The following ACCSL variants were observed in gnomAD, a reference collection of about 807,000 sequenced individuals.
ACCSL encodes the protein 1-aminocyclopropane-1-carboxylate synthase homolog (inactive) like, also known as probable inactive 1-aminocyclopropane-1-carboxylate synthase-like protein 2.
A neutral mutation model predicts 61.7 loss-of-function variants in ACCSL; 55 were observed. The ratio of observed to expected loss-of-function variants is 0.89; its 90% CI spans 0.72 to 1.12. The LOEUF is 1.12. Ranked by LOEUF, ACCSL falls within the 50% of genes most tolerant of loss-of-function variation. ACCSL has a pLI of 0.00. For synonymous variants in ACCSL, 258 were observed against 264.3 expected (o/e 0.98, Z 0.23); for missense variants, 632 against 698.0 (o/e 0.91, Z 1.07).
the ACCSL span, among the ~76,000 whole-genome samples, chr11:43,992,720 G>A: frequency 6.6e-6 from 1 of 152,228 alleles, no homozygotes; most frequent in Non-Finnish European, 1.5e-5. Context: ...AGCTGCAGCA[G>A]ATATATGACC....
the ACCSL span, among the ~76,000 whole-genome samples, chr11:44,002,221 G>A: frequency 6.6e-6 from 1 of 152,074 alleles, no homozygotes; most frequent in South Asian, 2.1e-4. Context: ...TGGGGGACAG[G>A]AGAAGGGGTG....
the ACCSL span, chr11:43,943,085 G>C: frequency 6.7e-7 from 1 of 1,500,830 alleles, no homozygotes; most frequent in Non-Finnish European, 8.9e-7. This position sits in a 1 kb window ranked among gnomAD's most constrained non-coding sequence, Gnocchi z 4.8. Flanking sequence ...GGTGACCTTC[G>C]ACGAGATCCA....
At chr11:43,946,390 G>T in the ACCSL span, among the ~76,000 whole-genome samples, 2 of 152,172 alleles carry the variant, frequency 1.3e-5, no homozygotes, top group African/African-American at 4.8e-5. Context: ...GAGCCACCAT[G>T]CCTGGCCCTG....
chr11:44,003,038 G>A, the ACCSL span, among the ~76,000 whole-genome samples: 1 of 152,152 alleles, frequency 6.6e-6, no homozygotes, highest in East Asian at 1.9e-4. Flanking sequence ...GAGGGGACAT[G>A]AGTAAAGACC....
chr11:43,984,518 T>G, the ACCSL span, among the ~76,000 whole-genome samples: 1 of 152,210 alleles, frequency 6.6e-6, no homozygotes, highest in Non-Finnish European at 1.5e-5. Flanking sequence ...GCCCTGCAAC[T>G]CCACATATGC....
the ACCSL span, among the ~76,000 whole-genome samples, chr11:43,983,134 C>T: frequency 1.3e-5 from 2 of 152,156 alleles, no homozygotes; most frequent in East Asian, 1.9e-4. Flanking sequence ...CACAGCCTTG[C>T]GTGCCCTATT....
Position 44,058,697 on chromosome 11 carries a change from T to C in ACCSL, c.1622T>C (p.Leu541Ser), listed in dbSNP as rs377046277. 1.6e-5 allele frequency: 25 copies of C among 1,609,412 alleles called. No homozygotes were observed. The African/African-American group carries it at 3.2e-4, about 21-fold the overall frequency. Residue 541 changes from leucine to serine, a missense_variant and splice_region_variant, in exon 13 of 14, where the codon TTG (leucine) becomes TCG (serine). Leu to Ser is a moderately radical substitution (Grantham distance 145). Transcript: ENST00000378832. The stretch of plus-strand genomic sequence containing the variant: ...GCAGATGAGCTCCCCCGGCTAAAAT[T>C]GGGTGAGTGGAGCTGACCTCCCAAT... Reference protein sequence around the residue: ...IFADELPRLKLAMRRFCDVLQ... With the variant: ...IFADELPRLKSAMRRFCDVLQ...
At chr11:43,922,831 C>G in the ACCSL span, among the ~76,000 whole-genome samples, 1 of 152,144 alleles carries the variant, frequency 6.6e-6, no homozygotes, top group Non-Finnish European at 1.5e-5. Context: ...CACCATTACT[C>G]CAGTCAGCAG....
At chr11:44,006,302 TG>T in the ACCSL span, among the ~76,000 whole-genome samples, 14,530 of 152,050 alleles carry the variant, frequency 0.096, 836 homozygotes, top group East Asian at 0.33. Flanking sequence ...GGCTTCCTTG[TG>T]GGATGGAGGA....
the ACCSL span, among the ~76,000 whole-genome samples, chr11:43,999,670 A>G: frequency 6.6e-6 from 1 of 152,152 alleles, no homozygotes; most frequent in Non-Finnish European, 1.5e-5. Flanking sequence ...GCCAGCTACT[A>G]TGTCTGGCCC....
At chr11:43,926,380 G>A in the ACCSL span, 5 of 348,566 alleles carry the variant, frequency 1.4e-5, no homozygotes, top group East Asian at 8.4e-5. Context: ...AAGGGTCGCC[G>A]ACCAGGCTCA....
At chr11:43,990,051 C>T in the ACCSL span, among the ~76,000 whole-genome samples, 1 of 152,230 alleles carries the variant, frequency 6.6e-6, no homozygotes, top group East Asian at 1.9e-4. Flanking sequence ...TCCTCCCTTC[C>T]CAGAGCCCTG....
At chr11:43,946,033 A>G in the ACCSL span, among the ~76,000 whole-genome samples, 1 of 152,168 alleles carries the variant, frequency 6.6e-6, no homozygotes, top group African/African-American at 2.4e-5. Context: ...AAATGAATAA[A>G]GAGGTGCTGA....
At chr11:44,048,564 GGC>G in intron 1 of ACCSL, 24 bp downstream of exon 1, 4 of 188,718 alleles carry the variant, frequency 2.1e-5, no homozygotes, top group Admixed American at 6.1e-5. Flanking sequence ...GTGGGGGGTG[GGC>G]AGCATCCTCA....
At chr11:43,969,082 C>T in the ACCSL span, among the ~76,000 whole-genome samples, 11 of 152,130 alleles carry the variant, frequency 7.2e-5, no homozygotes, top group Non-Finnish European at 1.6e-4. Context: ...GGCAGAGTGG[C>T]TCACACCTGT....
the ACCSL span, among the ~76,000 whole-genome samples, chr11:43,937,931 C>T: frequency 6.6e-6 from 1 of 152,160 alleles, no homozygotes; most frequent in Non-Finnish European, 1.5e-5. Context: ...CTATCTTTAA[C>T]GTGAGAGTTC....
the ACCSL span, among the ~76,000 whole-genome samples, chr11:44,025,702 T>C: frequency 1.3e-5 from 2 of 152,306 alleles, no homozygotes; most frequent in South Asian, 4.1e-4. Flanking sequence ...CCTAAATGAC[T>C]CCTTTAGTAT....
At chr11:44,021,193 A>G in the ACCSL span, among the ~76,000 whole-genome samples, 1 of 152,186 alleles carries the variant, frequency 6.6e-6, no homozygotes, top group Non-Finnish European at 1.5e-5. Context: ...AGGAATCTCC[A>G]TACTGTTTCC....
chr11:43,979,846 C>CAAAAAA, the ACCSL span, among the ~76,000 whole-genome samples: 10 of 50,582 alleles, frequency 2.0e-4, no homozygotes, highest in South Asian at 6.8e-4. Context: ...GACTCTGTCT[C>CAAAAAA]AAAAAAAAAA....
Sources: allele counts gnomAD v4.1 joint callset (sites outside exome capture counted in the v4.1 genomes callset), GRCh38; gene constraint gnomAD v4.1.1; non-coding constraint Gnocchi (gnomAD v3.1); transcripts MANE v1.5; gene names NCBI Gene and HGNC (gene_info 2026-07-23, HGNC 2026-07-21).